LDHA: variants seen among roughly 807,000 people sequenced by gnomAD.
The protein encoded by LDHA is L-lactate dehydrogenase A chain.
In LDHA, 10 loss-of-function variants were observed where a neutral mutation model predicts 36.3. The observed-to-expected ratio is 0.28, with a 90% CI of 0.17 to 0.47. The LOEUF is 0.47. LDHA is among the 20% of genes least tolerant of loss of function. The pLI, the probability that LDHA is intolerant of heterozygous loss-of-function variation, is 0.99. For synonymous variants in LDHA, 110 were observed against 136.7 expected (o/e 0.80, Z 1.36); for missense variants, 267 against 405.8 (o/e 0.66, Z 2.94).
chr11:18,399,266 G>A, intron 2 of LDHA, 165 bp from the exon 3 acceptor site: 1 of 627,098 alleles, frequency 1.6e-6, no homozygotes, highest in African/African-American at 1.8e-5. Flanking sequence ...GGTGTAATCT[G>A]TAAGTCAGCT....
intron 2 of LDHA, among the ~76,000 whole-genome samples, chr11:18,397,953 C>T (rs933711558): frequency 1.3e-5 from 2 of 152,172 alleles, no homozygotes. Context: ...ACACAGGTGA[C>T]TCTACATATG....
chr11:18,404,152 A>G (rs924286302), intron 6 of LDHA, among the ~76,000 whole-genome samples: 5 of 148,966 alleles, frequency 3.4e-5, no homozygotes, highest in Non-Finnish European at 6.0e-5. Flanking sequence ...AAAAAAAAAG[A>G]ATGTGCCTCA....
At chr11:18,401,539 T>G (rs1325152654) in intron 4 of LDHA, among the ~76,000 whole-genome samples, 1 of 129,490 alleles carries the variant, frequency 7.7e-6, no homozygotes, top group African/African-American at 2.8e-5. Flanking sequence ...GTACAGTGGC[T>G]TGATCTTGGC....
chr11:18,402,819 T>G (rs766915377), intron 4 of LDHA, 21 bp from the exon 5 acceptor site: 5 of 1,600,230 alleles, frequency 3.1e-6, no homozygotes, highest in Non-Finnish European at 4.3e-6. Flanking sequence ...TGGGTGATTT[T>G]TATTTTCTCC....
intron 4 of LDHA, 44 bp downstream of exon 4, chr11:18,401,054 C>G (rs1440742911): frequency 8.6e-7 from 1 of 1,163,032 alleles, no homozygotes; most frequent in Non-Finnish European, 1.3e-6. Flanking sequence ...TATAGTAAAA[C>G]TGATAGTATA....
At chr11:18,402,691 A>T in intron 4 of LDHA, 149 bp from the exon 5 acceptor site, 1 of 688,262 alleles carries the variant, frequency 1.5e-6, no homozygotes, top group Non-Finnish European at 2.6e-6. Flanking sequence ...GATCAATATC[A>T]AGATCCTGAA....
intron 7 of LDHA, 102 bp downstream of exon 7, chr11:18,405,674 A>C: frequency 7.7e-7 from 1 of 1,296,308 alleles, no homozygotes; most frequent in Non-Finnish European, 1.1e-6. Flanking sequence ...TTACTGACTT[A>C]AGTGAAATAA....
intron 1 of LDHA, chr11:18,396,566 G>A: frequency 1.4e-6 from 2 of 1,380,608 alleles, no homozygotes; most frequent in African/African-American, 1.5e-5. Flanking sequence ...ACCCTCAGGA[G>A]GCTATACTTA....
At chr11:18,401,958 T>TC (rs1866524135) in intron 4 of LDHA, among the ~76,000 whole-genome samples, 1 of 117,396 alleles carries the variant, frequency 8.5e-6, no homozygotes, top group Admixed American at 8.9e-5. Flanking sequence ...TTATTCTCTT[T>TC]TTTTTTTTTT....
chr11:18,407,075 T>G, intron 7 of LDHA, 42 bp from the exon 8 acceptor site: 1 of 1,480,752 alleles, frequency 6.8e-7, no homozygotes, highest in Non-Finnish European at 9.2e-7. Flanking sequence ...TGGGAATGCA[T>G]AGACAAAATG....
chr11:18,399,596 T>C (rs1231593694), intron 3 of LDHA, 48 bp downstream of exon 3: 11 of 1,344,418 alleles, frequency 8.2e-6, no homozygotes, highest in Non-Finnish European at 1.1e-5. Flanking sequence ...ACTTAAATTC[T>C]TTTTCCAGAT....
Position 18,402,976 on chromosome 11 carries a change from T to C in LDHA, c.555T>C (p.Cys185=). The stretch of plus-strand genomic sequence containing the variant: ...GGCTGGGAGTTCACCCATTAAGCTG[T>C]CATGGGTGGGTCCTTGGGGAACATG... The part of the protein sequence containing the change: ...GERLGVHPLS[C]HGWVLGEHGD... Residue 185 remains cysteine, a synonymous_variant, in exon 5 of 8, where the codon TGT becomes TGC. Coordinates refer to ENST00000422447, the MANE Select transcript of LDHA (RefSeq NM_005566.4). The C allele has an allele frequency of 6.2e-7, 1 of 1,613,740 alleles. No homozygotes were observed.
At chr11:18,405,422 C>A in intron 6 of LDHA, 27 bp from the exon 7 acceptor site, 1 of 1,611,632 alleles carries the variant, frequency 6.2e-7, no homozygotes, top group Admixed American at 1.7e-5. Context: ...CTTTTTCTGC[C>A]TTTACCTATG....
At chr11:18,400,378 GTTA>G in intron 3 of LDHA, 1 of 208,702 alleles carries the variant, frequency 4.8e-6, no homozygotes, top group East Asian at 1.2e-4. Flanking sequence ...AAATATGTTT[GTTA>G]AGTGTAAAGC....
At chr11:18,404,807 C>CAAAAAA (rs10684351) in intron 6 of LDHA, among the ~76,000 whole-genome samples, 4 of 125,616 alleles carry the variant, frequency 3.2e-5, no homozygotes, top group Admixed American at 8.8e-5. Flanking sequence ...GACTCCGTCT[C>CAAAAAA]AAAAAAAAAA....
intron 3 of LDHA, chr11:18,400,482 C>CACACACACAT (rs1418975031): frequency 5.5e-5 from 19 of 344,076 alleles, no homozygotes; most frequent in African/African-American, 2.0e-4. Flanking sequence ...CACACACACA[C>CACACACACAT]GAAATTGCCT....
At chr11:18,397,081 C>T (rs1344442934) in intron 2 of LDHA, 113 bp downstream of exon 2, 10 of 936,166 alleles carry the variant, frequency 1.1e-5, no homozygotes, top group Non-Finnish European at 1.7e-5. Context: ...TAGATTTATG[C>T]ACTCATTCGG....
intron 3 of LDHA, chr11:18,400,432 CA>C (rs1478733615): frequency 6.0e-3 from 13 of 2,152 alleles, no homozygotes; most frequent in African/African-American, 0.027. Flanking sequence ...ACCACCACCA[CA>C]CACACACACA....
chr11:18,402,758 AGT>A (rs1866550436), intron 4 of LDHA, 80 bp from the exon 5 acceptor site: 2 of 1,034,260 alleles, frequency 1.9e-6, no homozygotes, highest in Non-Finnish European at 3.1e-6. Context: ...TATCTGGTTA[AGT>A]GTTTTCTTCA....
Sources: allele counts gnomAD v4.1 joint callset (sites outside exome capture counted in the v4.1 genomes callset), GRCh38; gene constraint gnomAD v4.1.1; transcripts MANE v1.5; gene names NCBI Gene and HGNC (gene_info 2026-07-23, HGNC 2026-07-21).